Variants in RAI14 observed in about 807,000 individuals in gnomAD.
RAI14 encodes ankycorbin.
RAI14 carries 45 observed loss-of-function variants against 115.4 expected under a neutral mutation model. The observed-to-expected ratio is 0.39, with a 90% CI of 0.31 to 0.50. The LOEUF is 0.50. RAI14 is among the 20% of genes least tolerant of loss of function. The probability of loss-of-function intolerance (pLI) is 0.85; values close to 1 mark genes in which losing one functional copy is unlikely to be tolerated. For synonymous variants in RAI14, 371 were observed against 415.4 expected (o/e 0.89, Z 1.30); for missense variants, 939 against 1,131.2 (o/e 0.83, Z 2.44).
At chr5:34,713,558 A>T (rs555108996) in intron 2 of RAI14, among the ~76,000 whole-genome samples, 17 of 152,192 alleles carry the variant, frequency 1.1e-4, no homozygotes, top group African/African-American at 3.9e-4. Context: ...TTTCTTTTTT[A>T]AAAAAATTTT....
rs542081514 is a variant in RAI14 at position 34,693,039 on chromosome 5, A to G, written c.36+6084A>G. On this transcript the variant is annotated intron_variant, in intron 2 of 17. Coordinates refer to ENST00000265109, the MANE Select transcript of RAI14 (RefSeq NM_015577.3). ...ATCTCTGCTTTCATCTTCAGGTGGCATTCTCCCTCTGTGCATGTGTCTGTG... is the reference window on the plus strand; with the variant it reads ...ATCTCTGCTTTCATCTTCAGGTGGCGTTCTCCCTCTGTGCATGTGTCTGTG... Among the ~76,000 whole-genome samples, 31 of 152,212 alleles carry G rather than the reference A, an allele frequency of 2.0e-4. No homozygotes were observed. In the South Asian group the frequency reaches 6.4e-3, roughly 32 times the overall value.
intron 3 of RAI14, among the ~76,000 whole-genome samples, chr5:34,763,255 C>A (rs1748923642): frequency 6.6e-6 from 1 of 152,316 alleles, no homozygotes; most frequent in East Asian, 1.9e-4. Context: ...CTGATCAGCT[C>A]TCTCCAGTTC....
At chr5:34,691,417 A>G (rs751867912) in intron 2 of RAI14, among the ~76,000 whole-genome samples, 2 of 152,214 alleles carry the variant, frequency 1.3e-5, no homozygotes, top group South Asian at 2.1e-4. Context: ...TTTTATGACC[A>G]TAGCTTGAAA....
At chr5:34,731,259 A>G (rs1744133503) in intron 2 of RAI14, among the ~76,000 whole-genome samples, 1 of 152,224 alleles carries the variant, frequency 6.6e-6, no homozygotes, top group South Asian at 2.1e-4. Flanking sequence ...TAAAATAAAT[A>G]GATAAAAATG....
rs777301391 is a variant in RAI14 at position 34,823,216 on chromosome 5, A to G, written c.1374A>G (p.Glu458=). The G allele has an allele frequency of 1.2e-6, 2 of 1,614,082 alleles. No homozygotes were observed. The highest frequency in any genetic ancestry group is 1.7e-6 in the Non-Finnish European group (2 of 1,180,006). The change falls in exon 15 of 18, where the codon GAA becomes GAG. Residue 458 remains glutamate, a synonymous_variant. Transcript: ENST00000265109. The surrounding 1 kb of genome is among the most constrained non-coding windows in gnomAD (Gnocchi z 4.5). ...SEAERKQLQV[E]LQSRRAELVC... ...CAGAGAGAAAACAGCTACAGGTCGA[A>G]CTCCAATCCCGAAGGGCAGAACTGG...
chr5:34,712,415 T>G (rs1741504981), intron 2 of RAI14, among the ~76,000 whole-genome samples: 1 of 152,158 alleles, frequency 6.6e-6, no homozygotes, highest in Non-Finnish European at 1.5e-5. Flanking sequence ...GTACCTTTAG[T>G]GTCTCCTGGT....
At chr5:34,662,413 T>C (rs1445033032) in intron 1 of RAI14, among the ~76,000 whole-genome samples, 1 of 152,212 alleles carries the variant, frequency 6.6e-6, no homozygotes. Flanking sequence ...ATGATGAGTA[T>C]AGGAGTTGAC....
At chr5:34,693,722 C>T (rs1358561782) in intron 2 of RAI14, among the ~76,000 whole-genome samples, 1 of 152,182 alleles carries the variant, frequency 6.6e-6, no homozygotes, top group Non-Finnish European at 1.5e-5. Flanking sequence ...ATGCTGTCAA[C>T]CGCAGCACAC....
At chr5:34,784,493 G>A (rs1174603855) in intron 3 of RAI14, among the ~76,000 whole-genome samples, 1 of 152,164 alleles carries the variant, frequency 6.6e-6, no homozygotes, top group East Asian at 1.9e-4. Flanking sequence ...CTGTATTTGT[G>A]CCTTTGTGAG....
chr5:34,708,918 G>A (rs1243190850), intron 2 of RAI14, among the ~76,000 whole-genome samples: 2 of 152,042 alleles, frequency 1.3e-5, no homozygotes, highest in East Asian at 1.9e-4. Flanking sequence ...TAAAGTGGGA[G>A]GATCGTTTGA....
At position 34,818,780 on chromosome 5, in the gene RAI14, T is replaced by C; in HGVS notation, c.940-17T>C. 1.3e-6 allele frequency: 2 copies of C among 1,598,332 alleles called. No homozygotes were observed. Among genetic ancestry groups the C allele is most frequent in the Non-Finnish European group, 1.7e-6 (2 of 1,169,696 alleles). On this transcript the variant is annotated splice_polypyrimidine_tract_variant and intron_variant, in intron 12 of 17. Transcript: ENST00000265109. ...ACATTTAGAAATGTTCTTTAAGTCA[T>C]TTTTGTGTTTCAATAGGCTGAGATC...
At chr5:34,807,231 G>A (rs140716047) in intron 5 of RAI14, among the ~76,000 whole-genome samples, 7 of 152,228 alleles carry the variant, frequency 4.6e-5, no homozygotes, top group Non-Finnish European at 7.4e-5. Context: ...AGGAGGAGCC[G>A]CAAGAGGAAA....
intron 2 of RAI14, among the ~76,000 whole-genome samples, chr5:34,740,948 T>C (rs1046971870): frequency 6.6e-6 from 1 of 152,230 alleles, no homozygotes; most frequent in Non-Finnish European, 1.5e-5. Flanking sequence ...TACTAAACTA[T>C]CCAGACTACT....
At position 34,801,385 on chromosome 5, in the gene RAI14, C is replaced by G. The variant is rs1754240405; in HGVS notation, c.257-2327C>G. On this transcript the variant is annotated intron_variant, in intron 4 of 17. Transcript: ENST00000265109. ...CCACTAGTTTTTAAATACAGTGTTT[C>G]CTAGCTATATGATTCTCTAATTAGT... Among the ~76,000 whole-genome samples, 2 of 152,172 alleles carry G rather than the reference C, an allele frequency of 1.3e-5. 1 individual carries two copies. Among genetic ancestry groups the G allele is most frequent in the South Asian group, 4.1e-4 (2 of 4,834 alleles).
intron 2 of RAI14, among the ~76,000 whole-genome samples, chr5:34,728,115 C>T (rs1400214366): frequency 6.6e-6 from 1 of 152,188 alleles, no homozygotes; most frequent in Non-Finnish European, 1.5e-5. Context: ...TTGCATGGGG[C>T]CTGTAGCCCC....
intron 2 of RAI14, among the ~76,000 whole-genome samples, chr5:34,714,097 C>T (rs1321219504): frequency 6.6e-6 from 1 of 152,192 alleles, no homozygotes; most frequent in Admixed American, 6.5e-5. Context: ...CCACCTCGCC[C>T]GGCCTTTGAA....
In RAI14 at chr5:34,792,235, CT is replaced by C. The variant is rs55986330; in HGVS notation, c.168-3688del. Among the ~76,000 whole-genome samples, 315 of 127,458 alleles carry C rather than the reference CT, an allele frequency of 2.5e-3. 2 individuals are homozygous for C. Among genetic ancestry groups the C allele is most frequent in the Middle Eastern group, 4.3e-3 (1 of 230 alleles). The allele number at this position is 127,458 out of a possible 152,430, so 83.6% of individuals were successfully genotyped here. ...CTTTCCTGCTTTTCTTTTCTTTTTT[CT>C]TTTTTTTTTTTTTTTGAGACGGAGT... On this transcript the variant is annotated intron_variant, in intron 3 of 17. Coordinates refer to ENST00000265109, the MANE Select transcript of RAI14 (RefSeq NM_015577.3).
rs944996764 is a variant in RAI14 at position 34,716,140 on chromosome 5, T to C, written c.36+29185T>C. Reference sequence around the variant, plus strand: ...TATTTGTGGCAAAAGACAAGGCAAATAGGCAAATATTCGGTATTATAAAAA... The same window carrying C: ...TATTTGTGGCAAAAGACAAGGCAAACAGGCAAATATTCGGTATTATAAAAA... On this transcript the variant is annotated intron_variant, in intron 2 of 17. Transcript: ENST00000265109. The C allele has an allele frequency of 7.1e-6, 3 of 425,030 alleles. No homozygotes were observed. In the Admixed American group the frequency reaches 9.0e-5, roughly 13 times the overall value. 26.3% of individuals were successfully genotyped at this position (425,030 alleles called of 1,614,324 possible).
At chr5:34,800,521 G>A (rs937820852) in intron 4 of RAI14, among the ~76,000 whole-genome samples, 4 of 152,150 alleles carry the variant, frequency 2.6e-5, no homozygotes, top group Non-Finnish European at 5.9e-5. Flanking sequence ...TTTTGCATTT[G>A]GAGAGAGAAT....
Sources: gnomAD v4.1 joint callset for allele counts (sites outside exome capture counted in the v4.1 genomes callset) on GRCh38, gnomAD v4.1.1 for gene constraint, Gnocchi (gnomAD v3.1) non-coding constraint, MANE v1.5 for transcripts, NCBI Gene and HGNC (gene_info 2026-07-23, HGNC 2026-07-21) for gene names.